Variants in ADARB2 observed in about 807,000 individuals in gnomAD.
ADARB2 encodes the protein inactive double-stranded RNA-specific editase B2.
A neutral mutation model predicts 62.2 loss-of-function variants in ADARB2; 25 were observed. The observed-to-expected ratio is 0.40, with a 90% CI of 0.29 to 0.56. The LOEUF is 0.56. Among genes scored for constraint, ADARB2 ranks in the 20% least tolerant of loss-of-function variants. The pLI, the probability that ADARB2 is intolerant of heterozygous loss-of-function variation, is 0.43. For missense variants in ADARB2, 1,071 were observed against 1,077.4 expected, an observed-to-expected ratio of 0.99 and a Z score of 0.08; for synonymous variants, 572 against 500.8, an observed-to-expected ratio of 1.14 and a Z score of -1.90.
At chr10:1,378,940 TACTGTCTCTCCAGGTAAGACCAA>T (rs1832457998) in intron 2 of ADARB2, 111 bp downstream of exon 2, 3 of 703,108 alleles carry the variant, frequency 4.3e-6, no homozygotes, top group African/African-American at 3.5e-5. Flanking sequence ...TGAGAGCAGA[TACTGTCTCTCCAGGTAAGACCAA>T]ACAGACCCTC....
intron 1 of ADARB2, among the ~76,000 whole-genome samples, chr10:1,686,101 G>A (rs1338462228): frequency 1.3e-5 from 2 of 152,198 alleles, no homozygotes; most frequent in Non-Finnish European, 2.9e-5. Flanking sequence ...GTATTTGAGG[G>A]CTATTAGGCT....
chr10:1,500,639 C>T (rs61831916), intron 1 of ADARB2, among the ~76,000 whole-genome samples: 23,562 of 152,026 alleles, frequency 0.15, 2,217 homozygotes, highest in Middle Eastern at 0.23. Flanking sequence ...TTGATTAGGG[C>T]GATAAAAGAG....
chr10:1,596,967 G>T (rs1162468980), intron 1 of ADARB2, among the ~76,000 whole-genome samples: 1 of 152,170 alleles, frequency 6.6e-6, no homozygotes, highest in African/African-American at 2.4e-5. Flanking sequence ...TCTCCACGGT[G>T]GGTGGCAGTG....
intron 1 of ADARB2, among the ~76,000 whole-genome samples, chr10:1,417,371 A>G (rs2131882816): frequency 6.6e-6 from 1 of 152,252 alleles, no homozygotes; most frequent in South Asian, 2.1e-4. Context: ...GTCAGGGTAG[A>G]TGACCAGGGA....
intron 1 of ADARB2, among the ~76,000 whole-genome samples, chr10:1,567,133 G>A (rs1225976834): frequency 6.6e-6 from 1 of 152,098 alleles, no homozygotes; most frequent in Admixed American, 6.5e-5. Context: ...GTGAGGCTGA[G>A]GGTGACTGGG....
chr10:1,729,571 A>C lies in ADARB2; in HGVS notation c.100+7480T>G, dbSNP rs111913461. Among the ~76,000 whole-genome samples the C allele has an allele frequency of 5.9e-5, 9 of 152,314 alleles. 1 individual carries two copies. Among genetic ancestry groups the C allele is most frequent in the African/African-American group, 2.2e-4 (9 of 41,568 alleles). On this transcript the variant is annotated intron_variant, in intron 1 of 9. Transcript: ENST00000381312. ...CCAAATGCAATTACACTTTTAGGAAATATTGCAATTATTTTAAAGAGAGGA... is the reference window on the plus strand; with the variant it reads ...CCAAATGCAATTACACTTTTAGGAACTATTGCAATTATTTTAAAGAGAGGA...
intron 4 of ADARB2, among the ~76,000 whole-genome samples, chr10:1,265,951 G>C (rs1246550804): frequency 8.0e-6 from 1 of 125,604 alleles, no homozygotes; most frequent in Non-Finnish European, 1.7e-5. Context: ...CGGCCTGAGA[G>C]GGGGGCCCAG....
At chr10:1,260,013 T>G (rs1322774788) in intron 4 of ADARB2, among the ~76,000 whole-genome samples, 1 of 152,176 alleles carries the variant, frequency 6.6e-6, no homozygotes, top group Admixed American at 6.5e-5. Flanking sequence ...AATCAATAAA[T>G]GTAATCCAGC....
At chr10:1,394,054 C>T (rs1358215649) in intron 1 of ADARB2, among the ~76,000 whole-genome samples, 1 of 152,172 alleles carries the variant, frequency 6.6e-6, no homozygotes, top group Non-Finnish European at 1.5e-5. Flanking sequence ...TCATTAATAG[C>T]ACTTGCTCCA....
chr10:1,733,873 T>A (rs1018822141), intron 1 of ADARB2, among the ~76,000 whole-genome samples: 131 of 152,252 alleles, frequency 8.6e-4, no homozygotes, highest in African/African-American at 3.0e-3. Flanking sequence ...AACCTCCAAG[T>A]GCTACTATTT....
At chr10:1,446,608 G>C (rs1354864617) in intron 1 of ADARB2, among the ~76,000 whole-genome samples, 1 of 152,186 alleles carries the variant, frequency 6.6e-6, no homozygotes, top group African/African-American at 2.4e-5. Flanking sequence ...CAGAAAGCCT[G>C]GGCTCCCATT....
intron 1 of ADARB2, among the ~76,000 whole-genome samples, chr10:1,400,869 A>T (rs1364563771): frequency 6.6e-6 from 1 of 152,112 alleles, no homozygotes; most frequent in African/African-American, 2.4e-5. Flanking sequence ...GGGACAGCTG[A>T]ATGTTCTAGA....
chr10:1,425,573 C>T (rs750878648), intron 1 of ADARB2, among the ~76,000 whole-genome samples: 8 of 152,162 alleles, frequency 5.3e-5, no homozygotes, highest in African/African-American at 1.2e-4. Flanking sequence ...TGTGGAGCAC[C>T]GCGGTGTGGG....
intron 1 of ADARB2, among the ~76,000 whole-genome samples, chr10:1,529,550 G>A (rs991165317): frequency 6.6e-5 from 10 of 152,206 alleles, no homozygotes; most frequent in South Asian, 6.2e-4. Context: ...CCGATGCAAC[G>A]TCACCTCTCC....
At chr10:1,598,103 C>T (rs564138116) in intron 1 of ADARB2, among the ~76,000 whole-genome samples, 1 of 152,352 alleles carries the variant, frequency 6.6e-6, no homozygotes, top group African/African-American at 2.4e-5. Context: ...GAAAAGTAGA[C>T]ACTGGAGGCT....
At chr10:1,229,958 T>C (rs1049908793) in intron 6 of ADARB2, among the ~76,000 whole-genome samples, 1 of 152,118 alleles carries the variant, frequency 6.6e-6, no homozygotes, top group Non-Finnish European at 1.5e-5. Flanking sequence ...AATCGCTCGA[T>C]GCAGGCCAAA....
intron 6 of ADARB2, among the ~76,000 whole-genome samples, chr10:1,222,770 T>C (rs1207718193): frequency 6.7e-6 from 1 of 149,602 alleles, no homozygotes; most frequent in East Asian, 1.9e-4. Flanking sequence ...GTTCCATTGG[T>C]CTATATCTCT....
chr10:1,189,599 C>T (rs547471753), intron 8 of ADARB2, among the ~76,000 whole-genome samples: 7 of 152,174 alleles, frequency 4.6e-5, no homozygotes, highest in Middle Eastern at 3.4e-3. Flanking sequence ...TGATTGAAGA[C>T]GGAACTCGAG....
At chr10:1,430,657 T>C (rs541591208) in intron 1 of ADARB2, among the ~76,000 whole-genome samples, 2 of 152,220 alleles carry the variant, frequency 1.3e-5, no homozygotes, top group East Asian at 3.9e-4. Context: ...GGAGAATCAC[T>C]TGAATCTGGG....
Sources: gnomAD v4.1 joint callset for allele counts (sites outside exome capture counted in the v4.1 genomes callset) on GRCh38, gnomAD v4.1.1 for gene constraint, MANE v1.5 for transcripts, NCBI Gene and HGNC (gene_info 2026-07-23, HGNC 2026-07-21) for gene names.